Variants in H2BC12 observed in about 807,000 individuals in gnomAD.
The protein encoded by H2BC12 is H2B clustered histone 12.
Under a neutral mutation model 6.3 loss-of-function variants are expected in H2BC12, and 6 were observed. That is an observed-to-expected ratio of 0.95 (90% CI 0.52 to 1.87). The LOEUF (loss-of-function observed/expected upper bound fraction) is 1.87. Ranked by LOEUF, H2BC12 falls within the 40% of genes most tolerant of loss-of-function variation. The pLI, the probability that H2BC12 is intolerant of heterozygous loss-of-function variation, is 0.01. For synonymous variants in H2BC12, 132 were observed against 78.5 expected (o/e 1.68, Z -3.60); for missense variants, 119 against 178.4 (o/e 0.67, Z 1.90).
At chr6:27,143,407 T>A (rs1009040583), downstream of H2BC12, among the ~76,000 whole-genome samples, 14 of 152,066 alleles carry the variant, frequency 9.2e-5, no homozygotes, top group African/African-American at 3.1e-4. Context: ...AGAGATAAGG[T>A]CTTCTCCCAA....
rs755754110 is a variant in H2BC12, at chr6:27,146,396, T to TA, written c.*21_*22insT. On this transcript the variant is annotated 3_prime_UTR_variant, in exon 1 of 1. Coordinates refer to ENST00000356950, the MANE Select transcript of H2BC12 (RefSeq NM_001312653.2). ...TTAAAAGAGCCTTTGGGGTTGGGCT[T>TA]TAAGACGCTTACTTGGCAAGTTTAC... The TA allele has an allele frequency of 1.9e-6, 3 of 1,614,212 alleles. No homozygotes were observed. Among genetic ancestry groups the TA allele is most frequent in the East Asian group, 2.2e-5 (1 of 44,894 alleles).
downstream of H2BC12, among the ~76,000 whole-genome samples, chr6:27,145,338 A>ACACACAC (rs60765842): frequency 4.7e-5 from 7 of 148,516 alleles, no homozygotes; most frequent in African/African-American, 1.5e-4. Context: ...ACACACACAC[A>ACACACAC]AAATTCCCCT....
the H2BC12 span, chr6:27,138,558 C>T: frequency 1.3e-5 from 2 of 152,352 alleles, no homozygotes; most frequent in Non-Finnish European, 2.9e-5. Context: ...AAAAGTCCAT[C>T]TAGGTATGGT....
chr6:27,139,618 T>C, the H2BC12 span: 1 of 1,606,060 alleles, frequency 6.2e-7, no homozygotes, highest in South Asian at 1.1e-5. Context: ...CTTCGGCGGC[T>C]AAATGGCATT....
chr6:27,144,486 G>A (rs986386517), downstream of H2BC12, among the ~76,000 whole-genome samples: 1 of 123,514 alleles, frequency 8.1e-6, no homozygotes, highest in Non-Finnish European at 1.6e-5. Flanking sequence ...GGCGGAATCT[G>A]TGCTATCAAG....
the H2BC12 span, chr6:27,139,001 C>A: frequency 7.4e-6 from 2 of 269,464 alleles, no homozygotes; most frequent in Admixed American, 4.8e-5. Context: ...GGAAAACATG[C>A]ATATATGCAG....
chr6:27,144,547 C>T (rs1254217214), downstream of H2BC12, among the ~76,000 whole-genome samples: 1 of 143,216 alleles, frequency 7.0e-6, no homozygotes, highest in Non-Finnish European at 1.5e-5. Flanking sequence ...AGGGTGAAAG[C>T]AGGAGAAAGT....
downstream of H2BC12, among the ~76,000 whole-genome samples, chr6:27,145,909 C>T (rs1760070094): frequency 6.6e-6 from 1 of 152,170 alleles, no homozygotes. Context: ...CAAAGCAAGG[C>T]AGAGCTGGGT....
chr6:27,139,267 G>C, the H2BC12 span: 1 of 1,540,082 alleles, frequency 6.5e-7, no homozygotes, highest in Non-Finnish European at 8.7e-7. Flanking sequence ...AAAGAAAGCT[G>C]CCATCACAGG....
At chr6:27,142,636 CTT>C (rs759784250), downstream of H2BC12, among the ~76,000 whole-genome samples, 166 of 100,254 alleles carry the variant, frequency 1.7e-3, no homozygotes, top group African/African-American at 7.0e-3. Context: ...TCCCCCCCTC[CTT>C]TTTTTTTTTT....
the H2BC12 span, chr6:27,139,561 A>T: frequency 6.2e-7 from 1 of 1,614,098 alleles, no homozygotes; most frequent in South Asian, 1.1e-5. Flanking sequence ...GGTCACCGCC[A>T]TGGACGTGGT....
At position 27,146,763 on chromosome 6, in the gene H2BC12, C is replaced by T. The variant is rs752748784; in HGVS notation, c.36G>A (p.Lys12=). The change falls in exon 1 of 1, where the codon AAG becomes AAA. Residue 12 remains lysine, a synonymous_variant. Transcript: ENST00000356950. The part of the protein sequence containing the change: ...PEPAKSAPAP[K]KGSKKAVTKA... ...TAGTCACGGCTTTCTTCGAGCCCTT[C>T]TTGGGCGCGGGAGCGGACTTCGCTG... is the stretch of plus-strand genomic sequence containing the variant. 36 of 1,614,112 alleles carry T rather than the reference C, an allele frequency of 2.2e-5. No homozygotes were observed. Among genetic ancestry groups the T allele is most frequent in the Non-Finnish European group, 3.0e-5 (35 of 1,180,056 alleles).
At chr6:27,140,085 G>C in the H2BC12 span, among the ~76,000 whole-genome samples, 1 of 151,988 alleles carries the variant, frequency 6.6e-6, no homozygotes, top group African/African-American at 2.4e-5. Flanking sequence ...GCTCTGCATG[G>C]GGGGGAGGGG....
the H2BC12 span, chr6:27,139,865 C>A: frequency 1.7e-6 from 1 of 579,722 alleles, no homozygotes; most frequent in East Asian, 3.3e-5. Flanking sequence ...TGGCGGCTGC[C>A]TGGAAATTGC....
chr6:27,139,210 G>T, the H2BC12 span: 1 of 1,377,986 alleles, frequency 7.3e-7, no homozygotes, highest in South Asian at 1.4e-5. Flanking sequence ...GGGACTTCCC[G>T]CCAAAGCTCT....
the H2BC12 span, chr6:27,139,693 G>C: frequency 6.6e-7 from 1 of 1,517,116 alleles, no homozygotes; most frequent in South Asian, 1.3e-5. Flanking sequence ...CAAAAGAGTT[G>C]AAATGACTGC....
the H2BC12 span, chr6:27,139,376 T>C: frequency 1.9e-6 from 3 of 1,614,182 alleles, no homozygotes; most frequent in Non-Finnish European, 2.5e-6. Context: ...CGCAAGGTGC[T>C]GCGCGACAAC....
Position 27,146,365 on chromosome 6 carries a change from TGGCTCTTAAAAGAGCCTTTGGGGTTG to T in H2BC12, c.*27_*52del. 1.2e-6 allele frequency: 2 copies of T among 1,608,756 alleles called. No individual in the cohort carries two copies. The highest frequency in any genetic ancestry group is 2.2e-5 in the South Asian group (2 of 90,660). On this transcript the variant is annotated 3_prime_UTR_variant, in exon 1 of 1. Coordinates refer to ENST00000356950, the MANE Select transcript of H2BC12 (RefSeq NM_001312653.2). ...ACAGCTCTAATATCGATAATTTAAGTGGCTCTTAAAAGAGCCTTTGGGGTTGGGCTTTAAGACGCTTACTTGGCAAG... is the reference window on the plus strand; with the variant it reads ...ACAGCTCTAATATCGATAATTTAAGTGGCTTTAAGACGCTTACTTGGCAAG...
the H2BC12 span, chr6:27,139,636 C>T: frequency 6.3e-7 from 1 of 1,593,072 alleles, no homozygotes; most frequent in Non-Finnish European, 8.5e-7. Flanking sequence ...ATTTTGAAGC[C>T]CAGTCATTCT....
Sources: allele counts gnomAD v4.1 joint callset (sites outside exome capture counted in the v4.1 genomes callset), GRCh38; gene constraint gnomAD v4.1.1; transcripts MANE v1.5; gene names NCBI Gene and HGNC (gene_info 2026-07-23, HGNC 2026-07-21).